Variants in TEX9 observed in about 807,000 individuals in gnomAD.
The protein encoded by TEX9 is testis expressed 9.
TEX9 carries 74 observed loss-of-function variants against 59.6 expected under a neutral mutation model. That is an observed-to-expected ratio of 1.24 (90% CI 1.03 to 1.51). The LOEUF (loss-of-function observed/expected upper bound fraction) is 1.51, where lower values mean the gene tolerates loss of function less well. TEX9 is among the 40% of genes most tolerant of loss of function. The pLI is 0.00. For synonymous variants in TEX9, 186 were observed against 152.2 expected, an observed-to-expected ratio of 1.22 and a Z score of -1.64; for missense variants, 522 against 447.8, an observed-to-expected ratio of 1.17 and a Z score of -1.49.
chr15:56,350,444 T>C (rs1158821662), intron 1 of TEX9, among the ~76,000 whole-genome samples: 1 of 152,154 alleles, frequency 6.6e-6, no homozygotes, highest in Non-Finnish European at 1.5e-5. Flanking sequence ...GTAACTGAGA[T>C]AAAGTTTATG....
chr15:56,284,390 A>T (rs2044894250), intron 1 of TEX9, among the ~76,000 whole-genome samples: 1 of 152,174 alleles, frequency 6.6e-6, no homozygotes, highest in South Asian at 2.1e-4. Flanking sequence ...AAGGGTGTGC[A>T]GCAGTAAGAT....
Position 56,274,686 on chromosome 15 carries a change from C to G in TEX9, c.-107+30408C>G, listed in dbSNP as rs28612516. 425 of 151,958 alleles carry G rather than the reference C, an allele frequency of 2.8e-3. 1 individual carries two copies. Among genetic ancestry groups the G allele is most frequent in the African/African-American group, 9.7e-3 (404 of 41,494 alleles). 9.4% of individuals were successfully genotyped at this position (151,958 alleles called of 1,614,324 possible). On this transcript the variant is annotated intron_variant, in intron 1 of 5. Transcript: ENST00000560827. ...AGAGAGTGTGTAGAACAGTAAGATT[C>G]AGGTAAGTAGTATTTATGCCTGAAA...
At position 56,436,687 on chromosome 15, in the gene TEX9, C is replaced by G. The variant is rs533505004; in HGVS notation, c.*29+8214C>G. On this transcript the variant is annotated intron_variant, in intron 12 of 12. Transcript: ENST00000352903. ...CCAGGAGCTGGTTTTCTGAGAAGAT[C>G]AACAAAATTGATAGACCGCTAGCAA... is the stretch of plus-strand genomic sequence containing the variant. Among the ~76,000 whole-genome samples, 695 of 151,956 alleles carry G rather than the reference C, an allele frequency of 4.6e-3. 7 individuals carry two copies. The highest frequency in any genetic ancestry group is 0.016 in the African/African-American group (665 of 41,436).
At chr15:56,365,456 G>C (rs368536252) in exon 1 of TEX9, 5 of 1,610,118 alleles carry the variant, frequency 3.1e-6, no homozygotes, top group African/African-American at 1.3e-5. Context: ...CGAAGATGGC[G>C]GGGCGAAGTC....
intron 1 of TEX9, among the ~76,000 whole-genome samples, chr15:56,355,315 A>G (rs754856070): frequency 6.6e-5 from 10 of 152,194 alleles, no homozygotes; most frequent in Non-Finnish European, 1.0e-4. Flanking sequence ...CTGTCAAATT[A>G]CTTTCTATAT....
chr15:56,305,910 C>T (rs1223987483), intron 1 of TEX9, among the ~76,000 whole-genome samples: 2 of 151,926 alleles, frequency 1.3e-5, no homozygotes, highest in Non-Finnish European at 2.9e-5. Flanking sequence ...ATAAGAAGGT[C>T]AAATAACTCA....
upstream of TEX9, among the ~76,000 whole-genome samples, chr15:56,360,555 T>G (rs1407381112): frequency 1.3e-5 from 2 of 152,240 alleles, no homozygotes; most frequent in African/African-American, 4.8e-5. Flanking sequence ...ATGACTTATT[T>G]TCCATTTCTA....
At chr15:56,404,962 C>T (rs1227618152) in intron 9 of TEX9, among the ~76,000 whole-genome samples, 1 of 152,034 alleles carries the variant, frequency 6.6e-6, no homozygotes, top group Non-Finnish European at 1.5e-5. Context: ...GCGGGAACAT[C>T]ACACACCAGG....
chr15:56,246,923 T>C (rs774401092), intron 1 of TEX9, among the ~76,000 whole-genome samples: 2 of 152,110 alleles, frequency 1.3e-5, no homozygotes, highest in African/African-American at 2.4e-5. Context: ...AAGGAAAACA[T>C]GAAAAGTTAT....
At chr15:56,251,992 A>G (rs1213112084) in intron 1 of TEX9, among the ~76,000 whole-genome samples, 1 of 152,156 alleles carries the variant, frequency 6.6e-6, no homozygotes, top group Non-Finnish European at 1.5e-5. Context: ...TCCTTAGTTT[A>G]GTGTGATTTT....
chr15:56,407,391 T>A (rs985888685), intron 9 of TEX9, among the ~76,000 whole-genome samples: 9 of 152,110 alleles, frequency 5.9e-5, no homozygotes, highest in Non-Finnish European at 1.2e-4. Context: ...TGGATACAAG[T>A]CTATTCTGAT....
At chr15:56,417,721 G>A (rs1440550175) in intron 10 of TEX9, among the ~76,000 whole-genome samples, 1 of 151,864 alleles carries the variant, frequency 6.6e-6, no homozygotes, top group Non-Finnish European at 1.5e-5. Context: ...CCAGTGCTGA[G>A]TTTAGGTTCC....
intron 3 of TEX9, among the ~76,000 whole-genome samples, chr15:56,376,885 G>T (rs1316418881): frequency 6.6e-6 from 1 of 152,126 alleles, no homozygotes; most frequent in African/African-American, 2.4e-5. Context: ...ATAGTTTTGA[G>T]ATCTTAGATT....
intron 9 of TEX9, chr15:56,395,493 G>A (rs549929745): frequency 6.6e-6 from 1 of 152,228 alleles, no homozygotes; most frequent in East Asian, 1.9e-4. Flanking sequence ...ATATAGCCAG[G>A]AATGGAATTG....
intron 1 of TEX9, among the ~76,000 whole-genome samples, chr15:56,337,021 G>A (rs2046269786): frequency 6.6e-6 from 1 of 152,134 alleles, no homozygotes; most frequent in East Asian, 1.9e-4. Context: ...TCTACCGCTT[G>A]TACAGCTTGT....
At chr15:56,363,405 G>A (rs755099687), upstream of TEX9, among the ~76,000 whole-genome samples, 4 of 151,796 alleles carry the variant, frequency 2.6e-5, no homozygotes, top group Non-Finnish European at 5.9e-5. Context: ...TTGACCTCTG[G>A]TGATCTGCCC....
chr15:56,279,034 G>T (rs781701185), intron 1 of TEX9, among the ~76,000 whole-genome samples: 109 of 151,872 alleles, frequency 7.2e-4, no homozygotes, highest in African/African-American at 2.4e-3. Flanking sequence ...CTCTAATTGC[G>T]TATTTGGAAC....
At chr15:56,444,792 C>T (rs1430560120) in intron 12 of TEX9, 2 of 929,466 alleles carry the variant, frequency 2.2e-6, no homozygotes, top group Non-Finnish European at 1.6e-6. Flanking sequence ...ATTTTTTCAT[C>T]TGTCTAGGTT....
At chr15:56,407,368 T>G (rs1412200507) in intron 9 of TEX9, among the ~76,000 whole-genome samples, 1 of 152,114 alleles carries the variant, frequency 6.6e-6, no homozygotes, top group Non-Finnish European at 1.5e-5. Flanking sequence ...AATGACCAAT[T>G]CAGTTTATTT....
Sources: allele counts gnomAD v4.1 joint callset (sites outside exome capture counted in the v4.1 genomes callset), GRCh38; gene constraint gnomAD v4.1.1; transcripts MANE v1.5; gene names NCBI Gene and HGNC (gene_info 2026-07-23, HGNC 2026-07-21).